The following SMYD3 variants were observed in gnomAD, a reference collection of about 807,000 sequenced individuals.
SMYD3 encodes SET and MYND domain containing 3.
In SMYD3, 36 loss-of-function variants were observed where a neutral mutation model predicts 57.7. The ratio of observed to expected loss-of-function variants is 0.62; its 90% CI spans 0.48 to 0.82. SMYD3 has a LOEUF of 0.82. Among genes scored for constraint, SMYD3 ranks in the 40% least tolerant of loss-of-function variants. The pLI, the probability that SMYD3 is intolerant of heterozygous loss-of-function variation, is 0.00. For synonymous variants in SMYD3, 211 were observed against 195.0 expected, an observed-to-expected ratio of 1.08 and a Z score of -0.68; for missense variants, 515 against 538.8, an observed-to-expected ratio of 0.96 and a Z score of 0.44.
chr1:245,773,435 C>T (rs1227806938), intron 10 of SMYD3, among the ~76,000 whole-genome samples: 9 of 152,196 alleles, frequency 5.9e-5, no homozygotes, highest in African/African-American at 1.7e-4. Context: ...TTTCACTTCA[C>T]ACTGGACTTA....
At chr1:245,935,994 G>A (rs2147872438) in intron 5 of SMYD3, among the ~76,000 whole-genome samples, 1 of 152,062 alleles carries the variant, frequency 6.6e-6, no homozygotes, top group East Asian at 1.9e-4. Flanking sequence ...ATAATAAATT[G>A]TATATATATT....
chr1:246,156,409 T>G (rs1283329386), intron 5 of SMYD3, among the ~76,000 whole-genome samples: 1 of 152,236 alleles, frequency 6.6e-6, no homozygotes, highest in Non-Finnish European at 1.5e-5. Context: ...ACTTTTAGAA[T>G]GACATCTGCT....
chr1:245,973,311 G>C (rs563577852), intron 5 of SMYD3, among the ~76,000 whole-genome samples: 1 of 152,326 alleles, frequency 6.6e-6, no homozygotes, highest in Admixed American at 6.5e-5. Flanking sequence ...TATAGACACA[G>C]CACAAGAAGG....
At chr1:246,225,824 T>C (rs999469684) in intron 5 of SMYD3, among the ~76,000 whole-genome samples, 1 of 152,180 alleles carries the variant, frequency 6.6e-6, no homozygotes, top group Non-Finnish European at 1.5e-5. Context: ...ATATTCTTCA[T>C]TTTTAAAAAT....
intron 11 of SMYD3, among the ~76,000 whole-genome samples, chr1:245,758,479 C>A (rs950977486): frequency 1.3e-5 from 2 of 152,130 alleles, no homozygotes; most frequent in Admixed American, 1.3e-4. Context: ...CATAGGTCCC[C>A]TGAGGCACTG....
intron 1 of SMYD3, among the ~76,000 whole-genome samples, chr1:246,447,805 C>T (rs2067571181): frequency 6.6e-6 from 1 of 152,190 alleles, no homozygotes; most frequent in South Asian, 2.1e-4. Flanking sequence ...CTGAGCTCTA[C>T]TGTTTCACTT....
intron 5 of SMYD3, among the ~76,000 whole-genome samples, chr1:245,949,988 GA>G: frequency 6.6e-6 from 1 of 152,078 alleles, no homozygotes; most frequent in East Asian, 1.9e-4. Context: ...AAGAGAAAGC[GA>G]AAAATAAATA....
Position 246,128,776 on chromosome 1 carries a change from TG to T in SMYD3, c.531+198424del, listed in dbSNP as rs556823997. Among the ~76,000 whole-genome samples the T allele has an allele frequency of 7.0e-3, 1,069 of 152,138 alleles. 7 individuals carry two copies. Among genetic ancestry groups the T allele is most frequent in the Middle Eastern group, 0.014 (4 of 292 alleles). Reference sequence around the variant, plus strand: ...CTGGATTAGTCAGCTCCATTGTGCGTGTGTGTGTGTTGTGTGCTTTTTTGGT... The same window carrying T: ...CTGGATTAGTCAGCTCCATTGTGCGTTGTGTGTGTTGTGTGCTTTTTTGGT... On this transcript the variant is annotated intron_variant, in intron 5 of 11. Transcript: ENST00000490107.
chr1:245,917,603 C>T (rs909112244), intron 7 of SMYD3, among the ~76,000 whole-genome samples: 10 of 152,172 alleles, frequency 6.6e-5, no homozygotes, highest in Non-Finnish European at 1.2e-4. Flanking sequence ...CCTCCCTCAT[C>T]GCCTTTGAGT....
At position 245,812,278 on chromosome 1, in the gene SMYD3, C is replaced by T. The variant is rs79408183; in HGVS notation, c.1076+46218G>A. On this transcript the variant is annotated intron_variant, in intron 10 of 11. Coordinates refer to ENST00000490107, the MANE Select transcript of SMYD3 (RefSeq NM_001167740.2). ...TCCTCTGAGTGTATGAACTGCTTCA[C>T]CTTTGCATAGAGGACAAGCTTGTGC... is the stretch of plus-strand genomic sequence containing the variant. Among the ~76,000 whole-genome samples the T allele has an allele frequency of 7.3e-3, 1,105 of 152,280 alleles. 8 individuals are homozygous for T. The highest frequency in any genetic ancestry group is 0.025 in the African/African-American group (1,044 of 41,534).
At chr1:246,236,850 C>G (rs2063519199) in intron 5 of SMYD3, among the ~76,000 whole-genome samples, 1 of 152,056 alleles carries the variant, frequency 6.6e-6, no homozygotes, top group South Asian at 2.1e-4. Flanking sequence ...TGAAAGAAGG[C>G]TGTAAGAAAG....
At chr1:246,326,157 T>A (rs1053376966) in intron 5 of SMYD3, 1 of 394,954 alleles carries the variant, frequency 2.5e-6, no homozygotes, top group African/African-American at 2.1e-5. Context: ...TTTTAAAACA[T>A]GCCTTAAAAT....
In SMYD3 at chr1:245,880,608, T is replaced by C. The variant is rs1558452644; in HGVS notation, c.814-16722A>G. ...CAGGTAAAAACCAGTCCAATCCTTATAGAAGACAAGACTGCAGCTGAGAAA... is the reference window on the plus strand; with the variant it reads ...CAGGTAAAAACCAGTCCAATCCTTACAGAAGACAAGACTGCAGCTGAGAAA... On this transcript the variant is annotated intron_variant, in intron 8 of 11. Transcript: ENST00000490107. Among the ~76,000 whole-genome samples the C allele has an allele frequency of 2.6e-5, 4 of 152,222 alleles. No homozygotes were observed. In the South Asian group the frequency reaches 8.3e-4, roughly 31 times the overall value.
intron 1 of SMYD3, among the ~76,000 whole-genome samples, chr1:246,364,055 G>C (rs1027713461): frequency 2.0e-5 from 3 of 152,162 alleles, no homozygotes; most frequent in African/African-American, 7.2e-5. Context: ...TGAAGATGGA[G>C]GAAGACACTG....
chr1:245,801,168 T>G (rs536979167), intron 10 of SMYD3, among the ~76,000 whole-genome samples: 1 of 152,222 alleles, frequency 6.6e-6, no homozygotes. Context: ...TTTGTCTGGG[T>G]GTGCTACGTA....
intron 5 of SMYD3, among the ~76,000 whole-genome samples, chr1:246,265,532 A>G (rs1399740772): frequency 3.9e-5 from 6 of 152,098 alleles, no homozygotes; most frequent in Admixed American, 1.3e-4. Context: ...CAAGAGGCTG[A>G]CTCCAGAAAA....
At chr1:246,435,809 A>T (rs2067363111) in intron 1 of SMYD3, among the ~76,000 whole-genome samples, 1 of 152,148 alleles carries the variant, frequency 6.6e-6, no homozygotes. Context: ...AATTCCAAGG[A>T]GAAGATACAA....
intron 1 of SMYD3, among the ~76,000 whole-genome samples, chr1:246,402,097 T>C (rs536756510): frequency 6.6e-6 from 1 of 152,296 alleles, no homozygotes; most frequent in Non-Finnish European, 1.5e-5. Flanking sequence ...AAACAGTACC[T>C]ATTACCTTCA....
chr1:245,873,296 T>TG (rs2052318260), intron 8 of SMYD3, among the ~76,000 whole-genome samples: 1 of 152,208 alleles, frequency 6.6e-6, no homozygotes, highest in African/African-American at 2.4e-5. Flanking sequence ...GAGCTCCACT[T>TG]GCAAATGCAC....
Sources: gnomAD v4.1 joint callset for allele counts (sites outside exome capture counted in the v4.1 genomes callset) on GRCh38, gnomAD v4.1.1 for gene constraint, MANE v1.5 for transcripts, NCBI Gene and HGNC (gene_info 2026-07-23, HGNC 2026-07-21) for gene names.